Variants in INTS7 observed in about 807,000 individuals in gnomAD.
INTS7 encodes the protein chromosome 1 open reading frame 73.
In INTS7, 46 loss-of-function variants were observed where a neutral mutation model predicts 109.2. That is an observed-to-expected ratio of 0.42 (90% CI 0.33 to 0.54). INTS7 has a LOEUF of 0.54. Ranked by LOEUF, INTS7 falls within the 20% of genes least tolerant of loss-of-function variation. INTS7 has a pLI of 0.07. For missense variants in INTS7, 929 were observed against 1,132.4 expected (o/e 0.82, Z 2.58); for synonymous variants, 412 against 402.9 (o/e 1.02, Z -0.27).
intron 10 of INTS7, among the ~76,000 whole-genome samples, chr1:211,980,879 A>C (rs1664632096): frequency 6.6e-6 from 1 of 152,254 alleles, no homozygotes; most frequent in Non-Finnish European, 1.5e-5. Flanking sequence ...CGCTTATGTT[A>C]AATTAATGAA....
At chr1:212,020,770 T>C (rs1037236696) in intron 2 of INTS7, 1 of 1,008,634 alleles carries the variant, frequency 9.9e-7, no homozygotes, top group Non-Finnish European at 1.2e-6. Flanking sequence ...AAATAAATTA[T>C]TAAATTAAAT....
At chr1:211,957,913 C>T (rs562543924) in intron 16 of INTS7, among the ~76,000 whole-genome samples, 20 of 151,976 alleles carry the variant, frequency 1.3e-4, no homozygotes, top group Admixed American at 1.1e-3. Flanking sequence ...TATTCACCCT[C>T]AGTTTATCAG....
intron 16 of INTS7, among the ~76,000 whole-genome samples, chr1:211,965,764 G>A (rs890107419): frequency 1.3e-5 from 2 of 152,122 alleles, no homozygotes; most frequent in African/African-American, 4.8e-5. Flanking sequence ...AAACATAGAG[G>A]GGAACACCAC....
chr1:212,009,181 T>A (rs1666059939), intron 5 of INTS7, among the ~76,000 whole-genome samples: 4 of 152,204 alleles, frequency 2.6e-5, no homozygotes, highest in Admixed American at 6.6e-5. Flanking sequence ...AGGTTCCAAT[T>A]TTCCTCCACC....
chr1:211,979,318 G>T (rs1321109568), intron 10 of INTS7, among the ~76,000 whole-genome samples: 3 of 152,166 alleles, frequency 2.0e-5, no homozygotes, highest in African/African-American at 4.8e-5. Flanking sequence ...TGGGGTGTCA[G>T]GCACACACAT....
intron 1 of INTS7, among the ~76,000 whole-genome samples, chr1:212,033,523 C>T (rs1308370606): frequency 1.3e-5 from 2 of 152,154 alleles, no homozygotes; most frequent in Non-Finnish European, 2.9e-5. Flanking sequence ...CATTTCAACT[C>T]TTCTTTAAAA....
intron 13 of INTS7, 91 bp from the exon 14 acceptor site, chr1:211,968,798 G>T: frequency 2.2e-6 from 2 of 902,014 alleles, no homozygotes; most frequent in African/African-American, 1.7e-5. Context: ...TTGTGGTCAA[G>T]TGCAGTAGTT....
intron 1 of INTS7, among the ~76,000 whole-genome samples, chr1:212,034,304 ACT>A (rs1244164500): frequency 2.6e-5 from 4 of 151,990 alleles, no homozygotes; most frequent in African/African-American, 9.7e-5. Flanking sequence ...AGCCTGAGAA[ACT>A]CTTATTTAGA....
At chr1:212,015,710 TAAAAAAAAAAAAA>T (rs58204818) in intron 4 of INTS7, among the ~76,000 whole-genome samples, 1,137 of 35,098 alleles carry the variant, frequency 0.032, 20 homozygotes, top group African/African-American at 0.11. Flanking sequence ...CAATAAATAC[TAAAAAAAAAAAAA>T]AAAAAAAAAA....
rs1431386724 is a variant in INTS7 at position 211,978,457 on chromosome 1, A to C, written c.1285T>G (p.Ser429Ala). The C allele has an allele frequency of 1.2e-6, 2 of 1,614,100 alleles. No individual in the cohort carries two copies. Among genetic ancestry groups the C allele is most frequent in the Non-Finnish European group, 1.7e-6 (2 of 1,180,042 alleles). ...LAKGRPHLSQ[S>A]VVETLLTQLH... ...TGAGTCAACAAGGTCTCAACTACTG[A>C]CTGGCTAAGATGGGGCCTGCCCTTG... is the stretch of plus-strand genomic sequence containing the variant. The change falls in exon 11 of 20, where the codon TCA becomes GCA. Residue 429 changes from serine (S) to alanine (A), a missense_variant. Transcript: ENST00000366994.
chr1:211,968,559 A>G lies in INTS7; in HGVS notation c.1964T>C (p.Met655Thr), dbSNP rs765010701. 2 of 1,614,192 alleles carry G rather than the reference A, an allele frequency of 1.2e-6. No homozygotes were observed. Among genetic ancestry groups the G allele is most frequent in the Admixed American group, 1.7e-5 (1 of 60,022 alleles). The part of the protein sequence containing the change: ...PPPAIATTIA[M>T]TLGNDLQRCG... The stretch of plus-strand genomic sequence containing the variant: ...CCTCTGGAGGTCATTTCCTAAGGTC[A>G]TGGCAATTGTTGTGGCAATTGCAGG... Residue 655 changes from methionine to threonine, a missense_variant, in exon 14 of 20, where the codon ATG becomes ACG. Met to Thr is a moderately conservative substitution (Grantham distance 81). Coordinates refer to ENST00000366994, the MANE Select transcript of INTS7 (RefSeq NM_015434.4).
At chr1:212,022,795 A>G (rs866566744) in intron 1 of INTS7, among the ~76,000 whole-genome samples, 4 of 152,044 alleles carry the variant, frequency 2.6e-5, no homozygotes, top group South Asian at 2.1e-4. Flanking sequence ...AAGTTTGCTA[A>G]TGGGTATACT....
chr1:211,999,770 GA>G (rs1665578479), intron 7 of INTS7, among the ~76,000 whole-genome samples: 1 of 152,116 alleles, frequency 6.6e-6, no homozygotes, highest in Non-Finnish European at 1.5e-5. Context: ...ATTTGAAAAA[GA>G]TAAGAAAGCA....
intron 16 of INTS7, among the ~76,000 whole-genome samples, chr1:211,955,919 ATTTGTATGATGGACTT>A (rs1188732918): frequency 6.6e-6 from 1 of 152,224 alleles, no homozygotes; most frequent in Non-Finnish European, 1.5e-5. Flanking sequence ...ACTGAAGCTC[ATTTGTATGATGGACTT>A]TAAGGACAGC....
intron 13 of INTS7, among the ~76,000 whole-genome samples, chr1:211,974,275 A>AT (rs59555890): frequency 0.026 from 1,924 of 73,840 alleles, 13 homozygotes; most frequent in East Asian, 0.038. Context: ...CAGAAAAAAA[A>AT]AATATATATA....
At chr1:212,031,819 G>A (rs1197111575) in intron 1 of INTS7, among the ~76,000 whole-genome samples, 1 of 152,220 alleles carries the variant, frequency 6.6e-6, no homozygotes, top group Non-Finnish European at 1.5e-5. Context: ...ATAGAGATCA[G>A]AAACAATCAG....
intron 12 of INTS7, 98 bp downstream of exon 12, chr1:211,976,484 T>C (rs1558035080): frequency 1.8e-6 from 2 of 1,126,178 alleles, no homozygotes; most frequent in Non-Finnish European, 1.3e-6. Context: ...TACTTCCATC[T>C]TTATTTTTAG....
In INTS7 at chr1:212,021,068, T is replaced by A. The variant is rs1666674077; in HGVS notation, c.224+15A>T. 3 of 1,589,148 alleles carry A rather than the reference T, an allele frequency of 1.9e-6. No homozygotes were observed. Among genetic ancestry groups the A allele is most frequent in the African/African-American group, 1.4e-5 (1 of 73,016 alleles). On this transcript the variant is annotated intron_variant, in intron 2 of 19. Transcript: ENST00000366994. ...ACAAAGTACTTTAGGACATCGAGAA[T>A]TTAAAAAGACTTACCCAACTCTGAA...
chr1:211,976,029 G>A (rs562356400), intron 12 of INTS7, among the ~76,000 whole-genome samples: 4 of 152,052 alleles, frequency 2.6e-5, no homozygotes, highest in African/African-American at 9.6e-5. Context: ...CAAACTCCTG[G>A]CCTCAAGAGA....
Sources: allele counts gnomAD v4.1 joint callset (sites outside exome capture counted in the v4.1 genomes callset), GRCh38; gene constraint gnomAD v4.1.1; transcripts MANE v1.5; gene names NCBI Gene and HGNC (gene_info 2026-07-23, HGNC 2026-07-21).